SMG6: variants seen among roughly 807,000 people sequenced by gnomAD.
SMG6 encodes the protein SMG6 nonsense mediated mRNA decay factor, also known as telomerase-binding protein EST1A.
A neutral mutation model predicts 142.2 loss-of-function variants in SMG6; 66 were observed. That is an observed-to-expected ratio of 0.46 (90% CI 0.38 to 0.57). The LOEUF (loss-of-function observed/expected upper bound fraction) is 0.57. SMG6 is among the 20% of genes least tolerant of loss of function. SMG6 has a pLI of 0.00. For missense variants in SMG6, 1,793 were observed against 1,832.0 expected, an observed-to-expected ratio of 0.98 and a Z score of 0.39; for synonymous variants, 779 against 702.4, an observed-to-expected ratio of 1.11 and a Z score of -1.72.
At chr17:2,268,774 T>C (rs1006616008) in intron 8 of SMG6, among the ~76,000 whole-genome samples, 2 of 146,916 alleles carry the variant, frequency 1.4e-5, no homozygotes, top group African/African-American at 5.1e-5. Context: ...TAGCCGGGCA[T>C]GGTGGCGGGC....
chr17:2,150,613 G>A (rs1357250397), intron 13 of SMG6, among the ~76,000 whole-genome samples: 1 of 152,152 alleles, frequency 6.6e-6, no homozygotes, highest in Admixed American at 6.5e-5. Flanking sequence ...GGCCCTCGAT[G>A]CTATGGAAGT....
intron 13 of SMG6, chr17:2,122,389 C>T (rs917945815): frequency 1.3e-5 from 2 of 152,168 alleles, no homozygotes; most frequent in Admixed American, 1.3e-4. Flanking sequence ...AAATCTGCAT[C>T]AATCCCTGTT....
At chr17:2,172,361 A>C (rs544706921) in intron 13 of SMG6, among the ~76,000 whole-genome samples, 1 of 152,144 alleles carries the variant, frequency 6.6e-6, no homozygotes, top group East Asian at 1.9e-4. Flanking sequence ...GATGCAAACC[A>C]TTTGGAGCTG....
At chr17:2,112,524 AAAATAAAT>A (rs141512888) in intron 13 of SMG6, among the ~76,000 whole-genome samples, 22,259 of 139,580 alleles carry the variant, frequency 0.16, 1,930 homozygotes, top group Middle Eastern at 0.21. Flanking sequence ...AATAAAATAA[AAAATAAAT>A]AAATAAATAA....
chr17:2,128,397 C>T (rs1260066684), intron 13 of SMG6, among the ~76,000 whole-genome samples: 2 of 152,196 alleles, frequency 1.3e-5, no homozygotes, highest in East Asian at 1.9e-4. Context: ...CCATACTAGA[C>T]GGTGTCAAGT....
chr17:2,264,175 A>C lies in SMG6; in HGVS notation c.2661+18472T>G, dbSNP rs192136396. 1.9e-3 allele frequency among the ~76,000 whole-genome samples: 292 copies of C among 152,258 alleles called. 1 individual carries two copies. Among genetic ancestry groups the C allele is most frequent in the Non-Finnish European group, 3.1e-3 (214 of 68,014 alleles). The stretch of plus-strand genomic sequence containing the variant: ...CATTCTTATTTGGAAGGCTCTTCAC[A>C]GACCACAAGCTGGATCCTAAGGGAC... On this transcript the variant is annotated intron_variant, in intron 8 of 18. Transcript: ENST00000263073.
chr17:2,121,926 T>C (rs144960663), intron 13 of SMG6, among the ~76,000 whole-genome samples: 4 of 152,220 alleles, frequency 2.6e-5, no homozygotes, highest in African/African-American at 9.6e-5. Flanking sequence ...TCTGCCCTCC[T>C]GGGTTCAAGC....
At chr17:2,211,602 T>C (rs1013955223) in intron 10 of SMG6, among the ~76,000 whole-genome samples, 1 of 149,312 alleles carries the variant, frequency 6.7e-6, no homozygotes, top group African/African-American at 2.5e-5. Flanking sequence ...ATGTGGAGCT[T>C]GCAGTGAGCC....
At chr17:2,227,256 C>T (rs1319072688) in intron 10 of SMG6, among the ~76,000 whole-genome samples, 2 of 152,182 alleles carry the variant, frequency 1.3e-5, no homozygotes, top group Non-Finnish European at 2.9e-5. Context: ...AACACGTCCA[C>T]AAAATACTTG....
intron 9 of SMG6, among the ~76,000 whole-genome samples, chr17:2,244,100 A>G (rs1450275135): frequency 6.6e-6 from 1 of 152,204 alleles, no homozygotes; most frequent in African/African-American, 2.4e-5. Context: ...TGCACACACT[A>G]CCTTCCCTGA....
intron 10 of SMG6, among the ~76,000 whole-genome samples, chr17:2,194,571 G>C (rs542159317): frequency 2.0e-5 from 3 of 152,198 alleles, no homozygotes; most frequent in Admixed American, 6.5e-5. Context: ...AAAGAGGCCA[G>C]GAATGGTGGC....
intron 10 of SMG6, among the ~76,000 whole-genome samples, chr17:2,218,840 G>A (rs1440714292): frequency 6.6e-6 from 1 of 152,130 alleles, no homozygotes; most frequent in African/African-American, 2.4e-5. Context: ...GGGTGATGAT[G>A]TGTCAATACA....
intron 13 of SMG6, among the ~76,000 whole-genome samples, chr17:2,097,994 T>C (rs544950415): frequency 1.3e-5 from 2 of 152,236 alleles, no homozygotes; most frequent in South Asian, 4.2e-4. Flanking sequence ...TTTTTCCTTT[T>C]CTTGGGGGGC....
chr17:2,123,723 T>G (rs1474879411), intron 13 of SMG6, among the ~76,000 whole-genome samples: 1 of 152,184 alleles, frequency 6.6e-6, no homozygotes, highest in East Asian at 1.9e-4. Context: ...AGCACCGAAG[T>G]GAAGCCCGGC....
intron 8 of SMG6, among the ~76,000 whole-genome samples, chr17:2,252,515 G>T (rs770210705): frequency 6.6e-6 from 1 of 152,216 alleles, no homozygotes; most frequent in Non-Finnish European, 1.5e-5. Context: ...AGAGACCGCT[G>T]ATCTTAAGAG....
Position 2,121,587 on chromosome 17 carries a change from C to CTGTGTGTGTGTGTG in SMG6, c.3358-35700_3358-35687dup, listed in dbSNP as rs71150850. Among the ~76,000 whole-genome samples the CTGTGTGTGTGTGTG allele has an allele frequency of 1.4e-3, 191 of 139,828 alleles. 1 individual carries two copies. The highest frequency in any genetic ancestry group is 4.1e-3 in the African/African-American group (156 of 37,734). The allele number at this position is 139,828 out of a possible 152,430, so 91.7% of individuals were successfully genotyped here. A position where few individuals can be genotyped will look rare whatever the true frequency, so the allele number is the denominator to read the frequency against. ...TATATGTATATATGTACATGTCTGT[C>CTGTGTGTGTGTGTG]TGTGTGTGTGTGTGTGTGTGTGTGT... On this transcript the variant is annotated intron_variant, in intron 13 of 18. Transcript: ENST00000263073.
chr17:2,094,242 CA>C (rs1240199779), intron 13 of SMG6, among the ~76,000 whole-genome samples: 1 of 152,120 alleles, frequency 6.6e-6, no homozygotes, highest in Non-Finnish European at 1.5e-5. Context: ...GCAAACCCTG[CA>C]ACGTAACTTT....
intron 10 of SMG6, among the ~76,000 whole-genome samples, chr17:2,226,355 T>G (rs1033403846): frequency 6.6e-6 from 1 of 150,560 alleles, no homozygotes. Flanking sequence ...CCAAAGTGGG[T>G]GGATCACGAG....
At chr17:2,173,175 G>A (rs950244952) in intron 12 of SMG6, 11 of 359,176 alleles carry the variant, frequency 3.1e-5, no homozygotes, top group Non-Finnish European at 4.8e-5. Flanking sequence ...TGCCTGAGAC[G>A]CTTACTCAAA....
Sources: gnomAD v4.1 joint callset for allele counts (sites outside exome capture counted in the v4.1 genomes callset) on GRCh38, gnomAD v4.1.1 for gene constraint, MANE v1.5 for transcripts, NCBI Gene and HGNC (gene_info 2026-07-23, HGNC 2026-07-21) for gene names.